Variants in ASTN1 observed in about 807,000 individuals in gnomAD.
The protein encoded by ASTN1 is astrotactin 1, also known as astrotactin-1.
ASTN1 carries 41 observed loss-of-function variants against 140.7 expected under a neutral mutation model. That is an observed-to-expected ratio of 0.29 (90% CI 0.23 to 0.38). ASTN1 has a LOEUF of 0.38. Ranked by LOEUF, ASTN1 falls within the 10% of genes least tolerant of loss-of-function variation. The probability of loss-of-function intolerance (pLI) is 1.00; values close to 1 mark genes in which losing one functional copy is unlikely to be tolerated. For synonymous variants in ASTN1, 640 were observed against 652.2 expected, an observed-to-expected ratio of 0.98 and a Z score of 0.29; for missense variants, 1,479 against 1,678.8, an observed-to-expected ratio of 0.88 and a Z score of 2.08.
At chr1:176,881,633 C>T (rs1668803876) in intron 20 of ASTN1, among the ~76,000 whole-genome samples, 1 of 152,180 alleles carries the variant, frequency 6.6e-6, no homozygotes, top group African/African-American at 2.4e-5. Flanking sequence ...CAACGAGAAT[C>T]ATGGCATTGG....
In ASTN1 at chr1:177,113,079, C is replaced by G. The variant is rs547493164; in HGVS notation, c.283+51315G>C. ...CATGAGGTCAGCAGCCCTCCTGACT[C>G]TCCAGCCTTCTCTGCACACACTCGG... On this transcript the variant is annotated intron_variant, in intron 1 of 22. Coordinates refer to ENST00000361833, the MANE Select transcript of ASTN1 (RefSeq NM_004319.3). Among the ~76,000 whole-genome samples the G allele has an allele frequency of 8.5e-5, 13 of 152,322 alleles. No individual in the cohort carries two copies. In the South Asian group the frequency reaches 2.7e-3, roughly 32 times the overall value.
intron 13 of ASTN1, among the ~76,000 whole-genome samples, chr1:176,945,195 A>C (rs898175415): frequency 4.9e-4 from 75 of 152,182 alleles, no homozygotes; most frequent in African/African-American, 1.7e-3. Context: ...TTTTATTCTC[A>C]GGACTCCTTT....
intron 2 of ASTN1, among the ~76,000 whole-genome samples, chr1:177,057,670 T>A (rs1413199325): frequency 6.6e-6 from 1 of 152,250 alleles, no homozygotes; most frequent in South Asian, 2.1e-4. Context: ...TTTCCAATTA[T>A]GCTATTTTGA....
At chr1:176,945,739 C>T (rs1671927046) in intron 13 of ASTN1, among the ~76,000 whole-genome samples, 187 bp downstream of exon 13, 2 of 152,190 alleles carry the variant, frequency 1.3e-5, no homozygotes, top group Admixed American at 1.3e-4. Context: ...CCAAACTAAG[C>T]ATGGTTCTTG....
intron 8 of ASTN1, among the ~76,000 whole-genome samples, chr1:176,982,164 G>A (rs2101882663): frequency 6.6e-6 from 1 of 152,328 alleles, no homozygotes; most frequent in East Asian, 1.9e-4. Context: ...CCAGGGGACT[G>A]GCCAACCTGA....
At chr1:176,995,115 C>T (rs1295759946) in intron 8 of ASTN1, among the ~76,000 whole-genome samples, 3 of 152,168 alleles carry the variant, frequency 2.0e-5, no homozygotes, top group African/African-American at 7.2e-5. Flanking sequence ...AACTTGCACA[C>T]ATAACCTTAT....
At chr1:176,985,876 A>G (rs1393004360) in intron 8 of ASTN1, among the ~76,000 whole-genome samples, 1 of 151,288 alleles carries the variant, frequency 6.6e-6, no homozygotes, top group Non-Finnish European at 1.5e-5. Flanking sequence ...ACACACACAC[A>G]CACACACACA....
chr1:177,077,609 T>C (rs1678979163), intron 1 of ASTN1, among the ~76,000 whole-genome samples: 1 of 152,236 alleles, frequency 6.6e-6, no homozygotes, highest in Admixed American at 6.5e-5. Context: ...GAAAACATTT[T>C]AGCTCTTAAA....
At chr1:176,857,584 G>T, downstream of ASTN1, 1 of 589,338 alleles carries the variant, frequency 1.7e-6, no homozygotes, top group Non-Finnish European at 3.1e-6. Flanking sequence ...GAAATACCCT[G>T]GCTGCCGTCT....
At chr1:177,083,487 T>C (rs1194234519) in intron 1 of ASTN1, among the ~76,000 whole-genome samples, 2 of 152,204 alleles carry the variant, frequency 1.3e-5, no homozygotes, top group Non-Finnish European at 2.9e-5. Flanking sequence ...AATAAAAATG[T>C]TGATTTTAGG....
In ASTN1 at chr1:176,862,500, T is replaced by C; in HGVS notation, c.*1784A>G. 1.0e-6 allele frequency: 1 copy of C among 985,446 alleles called. No individual in the cohort carries two copies. The highest frequency in any genetic ancestry group is 1.2e-6 in the Non-Finnish European group (1 of 829,970). 61.0% of individuals were successfully genotyped at this position (985,446 alleles called of 1,614,324 possible). ...GATGCTTGGGAAAGGTAAAGCTCTC[T>C]GGGCAGGTTCCCTGTGGGGCTGAGA... On this transcript the variant is annotated 3_prime_UTR_variant, in exon 23 of 23. Transcript: ENST00000361833.
At chr1:176,940,115 T>A (rs1224565728) in intron 14 of ASTN1, among the ~76,000 whole-genome samples, 1 of 152,184 alleles carries the variant, frequency 6.6e-6, no homozygotes, top group Non-Finnish European at 1.5e-5. Context: ...AGCAGCCTCC[T>A]CTACCTCCTC....
At chr1:177,102,692 C>T (rs1680357633) in intron 1 of ASTN1, among the ~76,000 whole-genome samples, 1 of 152,202 alleles carries the variant, frequency 6.6e-6, no homozygotes, top group African/African-American at 2.4e-5. Flanking sequence ...CAGACTAATA[C>T]TCTTTTATAA....
intron 16 of ASTN1, among the ~76,000 whole-genome samples, chr1:176,896,251 G>A (rs1256205541): frequency 6.6e-6 from 1 of 152,114 alleles, no homozygotes; most frequent in Non-Finnish European, 1.5e-5. Context: ...TATAAATATG[G>A]CATATAATTC....
At chr1:177,016,179 G>T (rs1458157135) in intron 7 of ASTN1, among the ~76,000 whole-genome samples, 1 of 152,094 alleles carries the variant, frequency 6.6e-6, no homozygotes, top group African/African-American at 2.4e-5. Flanking sequence ...TAGCATCTTA[G>T]CTTAGCCATT....
chr1:176,928,388 G>A (rs867585606), intron 16 of ASTN1, among the ~76,000 whole-genome samples: 4 of 152,188 alleles, frequency 2.6e-5, no homozygotes, highest in African/African-American at 9.7e-5. Flanking sequence ...AAAAAGAAGA[G>A]AAATATGGTA....
At chr1:176,961,460 G>A (rs1571572063) in intron 9 of ASTN1, among the ~76,000 whole-genome samples, 1 of 152,278 alleles carries the variant, frequency 6.6e-6, no homozygotes, top group Admixed American at 6.5e-5. Flanking sequence ...CAAAGGGGCA[G>A]GTGCTCTGTA....
At chr1:177,035,951 A>ATATTTAGC (rs1558048812) in intron 2 of ASTN1, among the ~76,000 whole-genome samples, 1 of 150,630 alleles carries the variant, frequency 6.6e-6, no homozygotes, top group Non-Finnish European at 1.5e-5. Flanking sequence ...CTAAGCCAGT[A>ATATTTAGC]TATTTAGCTT....
At chr1:177,047,269 C>T (rs1677283818) in intron 2 of ASTN1, among the ~76,000 whole-genome samples, 1 of 152,192 alleles carries the variant, frequency 6.6e-6, no homozygotes, top group Admixed American at 6.5e-5. Flanking sequence ...GAGGTGGCCT[C>T]ACTCAGAGGA....
Sources: gnomAD v4.1 joint callset for allele counts (sites outside exome capture counted in the v4.1 genomes callset) on GRCh38, gnomAD v4.1.1 for gene constraint, MANE v1.5 for transcripts, NCBI Gene and HGNC (gene_info 2026-07-23, HGNC 2026-07-21) for gene names.